MAGI2: variants seen among roughly 807,000 people sequenced by gnomAD.
MAGI2 encodes the protein membrane-associated guanylate kinase, WW and PDZ domain-containing protein 2.
MAGI2 carries 35 observed loss-of-function variants against 133.3 expected under a neutral mutation model. The ratio of observed to expected loss-of-function variants is 0.26; its 90% CI spans 0.20 to 0.35. The LOEUF (loss-of-function observed/expected upper bound fraction) is 0.35, where lower values mean the gene tolerates loss of function less well. MAGI2 is among the 10% of genes least tolerant of loss of function. The pLI, the probability that MAGI2 is intolerant of heterozygous loss-of-function variation, is 1.00. For synonymous variants in MAGI2, 729 were observed against 710.6 expected (o/e 1.03, Z -0.41); for missense variants, 1,636 against 1,863.4 (o/e 0.88, Z 2.25).
chr7:78,191,081 T>C (rs1828164261), intron 12 of MAGI2, among the ~76,000 whole-genome samples: 1 of 152,214 alleles, frequency 6.6e-6, no homozygotes, highest in Admixed American at 6.5e-5. Context: ...TTGGTAGTAA[T>C]GACTTAGGGT....
intron 1 of MAGI2, among the ~76,000 whole-genome samples, chr7:79,421,347 A>G (rs895835257): frequency 4.5e-4 from 68 of 152,018 alleles, no homozygotes; most frequent in African/African-American, 1.6e-3. Flanking sequence ...TATTATTAAT[A>G]TTACTCACAT....
In MAGI2 at chr7:78,527,006, C is replaced by CAAAAAAAAAAAAA. The variant is rs55707442; in HGVS notation, c.539-5374_539-5362dup. The stretch of plus-strand genomic sequence containing the variant: ...ATGGTGACAGGGCAAGACTCCATCT[C>CAAAAAAAAAAAAA]AAAAAAAAAAAAAAAAAAAAAAAAA... On this transcript the variant is annotated intron_variant, in intron 3 of 21. Coordinates refer to ENST00000354212, the MANE Select transcript of MAGI2 (RefSeq NM_012301.4). Among the ~76,000 whole-genome samples the CAAAAAAAAAAAAA allele has an allele frequency of 2.7e-3, 121 of 45,430 alleles. 1 individual carries two copies. The highest frequency in any genetic ancestry group is 5.9e-3 in the East Asian group (7 of 1,190). The allele number at this position is 45,430 out of a possible 152,430, so 29.8% of individuals were successfully genotyped here.
intron 6 of MAGI2, among the ~76,000 whole-genome samples, chr7:78,469,456 T>C (rs1327127161): frequency 2.6e-5 from 4 of 152,156 alleles, no homozygotes; most frequent in Non-Finnish European, 5.9e-5. Context: ...TTGAAGAACA[T>C]GTGCTACACA....
intron 20 of MAGI2, among the ~76,000 whole-genome samples, chr7:78,117,584 T>A (rs1012155322): frequency 2.6e-5 from 4 of 152,022 alleles, no homozygotes; most frequent in Admixed American, 6.6e-5. Flanking sequence ...AATGAAATTT[T>A]AAAAAGCATT....
intron 1 of MAGI2, among the ~76,000 whole-genome samples, chr7:79,322,397 G>T (rs1054552482): frequency 6.6e-6 from 1 of 152,072 alleles, no homozygotes; most frequent in African/African-American, 2.4e-5. Flanking sequence ...GAAGTTAGGA[G>T]TCCAGACTCT....
chr7:78,245,925 G>A (rs1389410202), intron 10 of MAGI2, among the ~76,000 whole-genome samples: 2 of 152,026 alleles, frequency 1.3e-5, no homozygotes, highest in East Asian at 3.9e-4. Flanking sequence ...CTGCTCTCGG[G>A]GTGAGTGGCC....
At chr7:78,928,417 A>C (rs932139157) in intron 2 of MAGI2, among the ~76,000 whole-genome samples, 18 of 151,702 alleles carry the variant, frequency 1.2e-4, no homozygotes, top group African/African-American at 4.1e-4. Flanking sequence ...TAAAAAAAAA[A>C]CCCTCAAGAA....
chr7:78,993,242 T>C (rs766860939), intron 2 of MAGI2, among the ~76,000 whole-genome samples: 13 of 152,024 alleles, frequency 8.6e-5, no homozygotes, highest in Non-Finnish European at 1.8e-4. Context: ...AGAGTATAAG[T>C]AGAAAAGTAA....
intron 21 of MAGI2, among the ~76,000 whole-genome samples, chr7:78,040,371 G>GCC (rs1810687121): frequency 6.6e-6 from 1 of 152,154 alleles, no homozygotes; most frequent in African/African-American, 2.4e-5. Flanking sequence ...GAGGACGGGC[G>GCC]CCCCCTGGCG....
chr7:78,368,627 G>A (rs1156625602), intron 7 of MAGI2, among the ~76,000 whole-genome samples: 1 of 151,786 alleles, frequency 6.6e-6, no homozygotes, highest in Admixed American at 6.6e-5. Context: ...ATGCATGGGG[G>A]GATAATTCAT....
chr7:78,086,076 G>T (rs1294521850), intron 20 of MAGI2, among the ~76,000 whole-genome samples: 1 of 152,088 alleles, frequency 6.6e-6, no homozygotes, highest in Non-Finnish European at 1.5e-5. Context: ...CCCTACTGTG[G>T]AAGTAGTTGA....
chr7:78,079,767 A>C (rs1200511332), intron 20 of MAGI2, among the ~76,000 whole-genome samples: 1 of 152,226 alleles, frequency 6.6e-6, no homozygotes, highest in Non-Finnish European at 1.5e-5. Flanking sequence ...GTCTGGTTAA[A>C]TACCAATTCC....
At chr7:79,328,533 A>G (rs1030110752) in intron 1 of MAGI2, among the ~76,000 whole-genome samples, 3 of 152,178 alleles carry the variant, frequency 2.0e-5, no homozygotes, top group Admixed American at 2.0e-4. Context: ...AAAATTGAAG[A>G]CATATTATGT....
At chr7:78,805,518 C>G (rs557919404) in intron 2 of MAGI2, among the ~76,000 whole-genome samples, 1 of 152,108 alleles carries the variant, frequency 6.6e-6, no homozygotes, top group African/African-American at 2.4e-5. Flanking sequence ...TTAGCTAAAA[C>G]TTATGTTTAA....
In MAGI2 at chr7:78,312,986, C is replaced by G. The variant is rs915050170; in HGVS notation, c.1408+30792G>C. Among the ~76,000 whole-genome samples the G allele has an allele frequency of 1.7e-4, 25 of 150,942 alleles. 1 individual carries two copies. The highest frequency in any genetic ancestry group is 3.0e-5 in the Non-Finnish European group (2 of 67,690). ...TGTATATACACACACACACACACAT[C>G]GCATAGAATACCACTCAGCCATAAA... On this transcript the variant is annotated intron_variant, in intron 9 of 21. Transcript: ENST00000354212.
chr7:78,659,020 TA>T (rs1385227050), intron 2 of MAGI2, among the ~76,000 whole-genome samples: 3 of 152,210 alleles, frequency 2.0e-5, no homozygotes, highest in Non-Finnish European at 4.4e-5. Context: ...GCACATGTTA[TA>T]GCACCTTTAT....
intron 5 of MAGI2, among the ~76,000 whole-genome samples, chr7:78,498,022 T>A (rs1003183166): frequency 4.6e-5 from 7 of 152,176 alleles, no homozygotes; most frequent in African/African-American, 1.7e-4. Flanking sequence ...CTGGTTTACC[T>A]TCCTCTTACG....
intron 6 of MAGI2, among the ~76,000 whole-genome samples, chr7:78,382,500 CA>C (rs771200358): frequency 9.2e-5 from 14 of 151,944 alleles, no homozygotes; most frequent in Non-Finnish European, 1.9e-4. Flanking sequence ...TACAGCAACT[CA>C]AAAGGTAAAA....
At chr7:79,071,513 G>C (rs891382616) in intron 1 of MAGI2, among the ~76,000 whole-genome samples, 3 of 152,198 alleles carry the variant, frequency 2.0e-5, no homozygotes, top group African/African-American at 7.2e-5. Flanking sequence ...AGAGCTGTCA[G>C]GCAGGGATGT....
Sources: gnomAD v4.1 joint callset for allele counts (sites outside exome capture counted in the v4.1 genomes callset) on GRCh38, gnomAD v4.1.1 for gene constraint, MANE v1.5 for transcripts, NCBI Gene and HGNC (gene_info 2026-07-23, HGNC 2026-07-21) for gene names.